RANBP17: variants seen among roughly 807,000 people sequenced by gnomAD.
RANBP17 encodes the protein RAN binding protein 17.
A neutral mutation model predicts 141.2 loss-of-function variants in RANBP17; 158 were observed. That is an observed-to-expected ratio of 1.12 (90% CI 0.98 to 1.28). The LOEUF is 1.28. Among genes scored for constraint, RANBP17 ranks in the 50% most tolerant of loss-of-function variants. The probability of loss-of-function intolerance (pLI) is 0.00; values close to 1 mark genes in which losing one functional copy is unlikely to be tolerated. For synonymous variants in RANBP17, 430 were observed against 450.0 expected (o/e 0.96, Z 0.56); for missense variants, 1,438 against 1,290.7 (o/e 1.11, Z -1.75).
At chr5:170,866,952 C>A (rs1374692271) in intron 1 of RANBP17, 2 of 152,062 alleles carry the variant, frequency 1.3e-5, no homozygotes, top group East Asian at 3.9e-4. Context: ...TCAAGTGTCT[C>A]CACTAAGTTC....
intron 14 of RANBP17, among the ~76,000 whole-genome samples, chr5:171,057,709 C>T (rs2127664246): frequency 6.6e-6 from 1 of 152,186 alleles, no homozygotes; most frequent in South Asian, 2.1e-4. Context: ...CCTCAGGAAA[C>T]TTACAGTCAT....
intron 25 of RANBP17, among the ~76,000 whole-genome samples, chr5:171,275,615 A>G (rs1247322255): frequency 6.6e-6 from 1 of 152,164 alleles, no homozygotes; most frequent in Admixed American, 6.5e-5. Flanking sequence ...GAAGAGTTTG[A>G]TTTTAAGACT....
intron 22 of RANBP17, among the ~76,000 whole-genome samples, chr5:171,224,800 T>C (rs1303469151): frequency 6.6e-6 from 1 of 152,186 alleles, no homozygotes; most frequent in African/African-American, 2.4e-5. Context: ...TTTAGACTAA[T>C]AGTATTGGTA....
At chr5:170,882,294 A>G (rs1768770136) in intron 3 of RANBP17, among the ~76,000 whole-genome samples, 1 of 152,004 alleles carries the variant, frequency 6.6e-6, no homozygotes, top group East Asian at 1.9e-4. Flanking sequence ...GTTGGCCAGG[A>G]TAGTCTTGAT....
intron 14 of RANBP17, among the ~76,000 whole-genome samples, chr5:171,068,619 C>T (rs917671823): frequency 6.6e-6 from 1 of 151,230 alleles, no homozygotes; most frequent in Non-Finnish European, 1.5e-5. Flanking sequence ...CAGAGTCTCA[C>T]TCTGTTGCCC....
intron 14 of RANBP17, among the ~76,000 whole-genome samples, chr5:171,058,324 A>G (rs1419505882): frequency 1.3e-5 from 1 of 78,482 alleles, no homozygotes; most frequent in Non-Finnish European, 2.3e-5. Flanking sequence ...CCCCCACCCC[A>G]CAACAGTCCC....
intron 20 of RANBP17, among the ~76,000 whole-genome samples, chr5:171,210,736 G>A (rs1276088985): frequency 6.6e-6 from 1 of 152,158 alleles, no homozygotes; most frequent in Non-Finnish European, 1.5e-5. Flanking sequence ...GCCGGGCATG[G>A]TGGCTCATGC....
chr5:171,099,724 A>G (rs1407779571), intron 14 of RANBP17, among the ~76,000 whole-genome samples: 1 of 152,156 alleles, frequency 6.6e-6, no homozygotes, highest in Non-Finnish European at 1.5e-5. Context: ...ATTCAGTATG[A>G]TATTGGCTGT....
chr5:171,265,027 A>ATGAGT (rs931712344), intron 24 of RANBP17, among the ~76,000 whole-genome samples: 106 of 152,268 alleles, frequency 7.0e-4, no homozygotes, highest in Non-Finnish European at 1.4e-3. Flanking sequence ...ACACTAAACC[A>ATGAGT]TGAGTTCTTT....
rs1004502635 is a variant in RANBP17, at chr5:170,911,070, C to G, written c.696C>G (p.Gly232=). The change falls in exon 7 of 28, where the codon GGC becomes GGG. Residue 232 remains glycine (G), a synonymous_variant. Transcript: ENST00000523189. The part of the protein sequence containing the change: ...VLNCLNFDFI[G]SSADESADDL... ...ACTGCCTTAACTTTGACTTCATTGG[C>G]AGTTCAGCAGATGAATCTGCAGATG... 2.5e-6 allele frequency: 4 copies of G among 1,611,964 alleles called. No individual in the cohort carries two copies. Among genetic ancestry groups the G allele is most frequent in the Non-Finnish European group, 3.4e-6 (4 of 1,178,654 alleles).
At chr5:171,254,616 G>A (rs1051011858) in intron 24 of RANBP17, among the ~76,000 whole-genome samples, 6 of 152,230 alleles carry the variant, frequency 3.9e-5, no homozygotes, top group Middle Eastern at 3.4e-3. Context: ...ACTTTATTCT[G>A]TTGGGGGTTT....
chr5:171,062,865 A>T (rs173464), intron 14 of RANBP17, among the ~76,000 whole-genome samples: 86,557 of 147,218 alleles, frequency 0.59, 25,740 homozygotes, highest in South Asian at 0.85. Context: ...GTTTCTTTTT[A>T]TTCTTTTTTC....
intron 18 of RANBP17, among the ~76,000 whole-genome samples, chr5:171,192,752 A>C (rs950256676): frequency 3.9e-5 from 6 of 152,188 alleles, no homozygotes; most frequent in Non-Finnish European, 7.4e-5. Flanking sequence ...TGGCTCTCTT[A>C]ATGCCATCTA....
intron 12 of RANBP17, among the ~76,000 whole-genome samples, chr5:170,934,609 C>A (rs1318949991): frequency 6.6e-6 from 1 of 152,164 alleles, no homozygotes; most frequent in Non-Finnish European, 1.5e-5. Flanking sequence ...AAATTCTTTT[C>A]TTGAAGAATG....
At chr5:170,887,617 T>C (rs1181475207) in intron 3 of RANBP17, among the ~76,000 whole-genome samples, 2 of 149,858 alleles carry the variant, frequency 1.3e-5, no homozygotes, top group Non-Finnish European at 2.9e-5. Context: ...CAATTGACTG[T>C]ATTTATATGG....
At chr5:170,957,560 A>G (rs1278621414) in intron 13 of RANBP17, among the ~76,000 whole-genome samples, 2 of 152,196 alleles carry the variant, frequency 1.3e-5, no homozygotes, top group African/African-American at 4.8e-5. Context: ...CTGAGGTTGA[A>G]CAAGGTGATA....
chr5:171,265,351 A>G (rs962849710), intron 24 of RANBP17, among the ~76,000 whole-genome samples: 6 of 152,160 alleles, frequency 3.9e-5, no homozygotes, highest in Non-Finnish European at 7.4e-5. Flanking sequence ...CCTGACCAAC[A>G]TGGAGAAACC....
intron 12 of RANBP17, among the ~76,000 whole-genome samples, chr5:170,946,856 A>C (rs1194123409): frequency 6.6e-6 from 1 of 152,166 alleles, no homozygotes; most frequent in Non-Finnish European, 1.5e-5. Context: ...CTAACAAAAA[A>C]CACAAAAATG....
intron 13 of RANBP17, among the ~76,000 whole-genome samples, chr5:170,966,564 A>T (rs1776581389): frequency 6.6e-6 from 1 of 152,176 alleles, no homozygotes; most frequent in Admixed American, 6.5e-5. Context: ...AGAGCTATCT[A>T]TGACAAACCC....
Sources: gnomAD v4.1 joint callset for allele counts (sites outside exome capture counted in the v4.1 genomes callset) on GRCh38, gnomAD v4.1.1 for gene constraint, MANE v1.5 for transcripts, NCBI Gene and HGNC (gene_info 2026-07-23, HGNC 2026-07-21) for gene names.